Variants in CDH3 observed in about 807,000 individuals in gnomAD.
CDH3 encodes cadherin 3, also known as cadherin-3.
CDH3 carries 54 observed loss-of-function variants against 82.0 expected under a neutral mutation model. The observed-to-expected ratio is 0.66, with a 90% CI of 0.53 to 0.83. The LOEUF (loss-of-function observed/expected upper bound fraction) is 0.83. CDH3 is among the 40% of genes least tolerant of loss of function. CDH3 has a pLI of 0.00. For synonymous variants in CDH3, 446 were observed against 437.9 expected, an observed-to-expected ratio of 1.02 and a Z score of -0.23; for missense variants, 1,054 against 1,084.6, an observed-to-expected ratio of 0.97 and a Z score of 0.40.
Position 68,698,324 on chromosome 16 carries a change from A to G in CDH3, c.2414A>G (p.Asp805Gly). 6.2e-7 allele frequency: 1 copy of G among 1,614,190 alleles called. No homozygotes were observed. Among genetic ancestry groups the G allele is most frequent in the South Asian group, 1.1e-5 (1 of 91,080 alleles). ...TCCTCCGCCTCCGACCAAGACCAAGATTACGATTATCTGAACGAGTGGGGC... is the reference window on the plus strand; with the variant it reads ...TCCTCCGCCTCCGACCAAGACCAAGGTTACGATTATCTGAACGAGTGGGGC... ...LTSSASDQDQ[D>G]YDYLNEWGSR... The change falls in exon 16 of 16, where the codon GAT becomes GGT. Residue 805 changes from aspartate (D) to glycine (G), a missense_variant. Asp to Gly is a moderately conservative substitution (Grantham distance 94). Transcript: ENST00000264012.
rs1476291197 is a variant in CDH3 at position 68,698,687 on chromosome 16, C to A, written c.*287C>A. On this transcript the variant is annotated 3_prime_UTR_variant, in exon 16 of 16. Coordinates refer to ENST00000264012, the MANE Select transcript of CDH3 (RefSeq NM_001793.6). ...CTTACCTGCCGTAAAATGCTCAACC[C>A]TGTGTCCTGGGCCTGGGCCTGCTGT... 2 of 486,370 alleles carry A rather than the reference C, an allele frequency of 4.1e-6. No homozygotes were observed. Among genetic ancestry groups the A allele is most frequent in the Non-Finnish European group, 3.7e-6 (1 of 268,674 alleles). The allele number at this position is 486,370 out of a possible 1,614,324, so 30.1% of individuals were successfully genotyped here. A position where few individuals can be genotyped will look rare whatever the true frequency, so the allele number is the denominator to read the frequency against.
At chr16:68,662,411 C>T (rs1008676206) in intron 2 of CDH3, among the ~76,000 whole-genome samples, 5 of 152,098 alleles carry the variant, frequency 3.3e-5, no homozygotes, top group Admixed American at 6.5e-5. Flanking sequence ...TGCATGATGA[C>T]TGCATTTGTA....
intron 11 of CDH3, 41 bp from the exon 12 acceptor site, chr16:68,687,471 G>A (rs1461540157): frequency 6.5e-7 from 1 of 1,544,508 alleles, no homozygotes; most frequent in Non-Finnish European, 9.0e-7. Flanking sequence ...GGCTGACTGG[G>A]TGGGTCACAG....
At chr16:68,676,286 C>A in intron 2 of CDH3, 99 bp from the exon 3 acceptor site, 1 of 830,420 alleles carries the variant, frequency 1.2e-6, no homozygotes, top group South Asian at 1.4e-5. Flanking sequence ...ACTTAGCAGT[C>A]CTGGATCCAG....
At chr16:68,720,647 G>A (rs1325843982) in intron 1 of CDH3, among the ~76,000 whole-genome samples, 2 of 146,512 alleles carry the variant, frequency 1.4e-5, no homozygotes, top group African/African-American at 5.1e-5. Flanking sequence ...ATGGAGTCTC[G>A]CTCTGTTGCC....
At chr16:68,701,867 T>C (rs2152108844), downstream of CDH3, among the ~76,000 whole-genome samples, 1 of 150,164 alleles carries the variant, frequency 6.7e-6, no homozygotes, top group South Asian at 2.2e-4. Flanking sequence ...CTACTAAAAA[T>C]ACAAAAATTA....
At position 68,685,351 on chromosome 16, in the gene CDH3, G is replaced by A. The variant is rs1444646760; in HGVS notation, c.1570+1G>A. ...GTCATGGTCTTGGCCATGGACAATG[G>A]TGAGAGCATCCTCCCAGCCCTCCCA... On this transcript the variant is annotated splice_donor_variant, in intron 11 of 15. Coordinates refer to ENST00000264012, the MANE Select transcript of CDH3 (RefSeq NM_001793.6). LOFTEE classifies it high-confidence loss of function. 6.2e-7 allele frequency: 1 copy of A among 1,613,948 alleles called. No individual in the cohort carries two copies. The highest frequency in any genetic ancestry group is 1.1e-5 in the South Asian group (1 of 91,078).
exon 3 of CDH3, among the ~76,000 whole-genome samples, chr16:68,727,420 TC>T (rs1962230760): frequency 6.6e-6 from 1 of 152,196 alleles, no homozygotes; most frequent in South Asian, 2.1e-4. Context: ...TTTGTTCTGT[TC>T]TTGGGAGAAC....
rs551882422 is a variant in CDH3 at position 68,685,909 on chromosome 16, T to A, written c.1570+559T>A. Among the ~76,000 whole-genome samples the A allele has an allele frequency of 2.2e-4, 34 of 152,336 alleles. No homozygotes were observed. The East Asian group carries it at 5.8e-3, about 26-fold the overall frequency. ...AGCCAGGTGTGGTGACTCAGGCCTG[T>A]AATGCTAGCACTTTGAGAGGCCTAG... is the stretch of plus-strand genomic sequence containing the variant. On this transcript the variant is annotated intron_variant, in intron 11 of 15. Transcript: ENST00000264012.
Position 68,687,754 on chromosome 16 carries a change from G to A in CDH3, c.1795+18G>A. On this transcript the variant is annotated intron_variant, in intron 12 of 15. Coordinates refer to ENST00000264012, the MANE Select transcript of CDH3 (RefSeq NM_001793.6). ...CGAGGAAGGTACCTGAGTGAGTGGT[G>A]GTAGCGGGTGGGGTGCCAGCCCCAC... 1 of 1,590,066 alleles carries A rather than the reference G, an allele frequency of 6.3e-7. No homozygotes were observed.
Position 68,676,262 on chromosome 16 carries a change from T to C in CDH3, c.161-123T>C, listed in dbSNP as rs3118229. On this transcript the variant is annotated intron_variant, in intron 2 of 15. Transcript: ENST00000264012. Reference sequence around the variant, plus strand: ...CTGGTCAGAGAAAGTAAGCCAAGTCTCCCTTCTGCAGCCACTTAGCAGTCC... The same window carrying C: ...CTGGTCAGAGAAAGTAAGCCAAGTCCCCCTTCTGCAGCCACTTAGCAGTCC... 633,973 of 732,430 alleles carry C rather than the reference T, an allele frequency of 0.87. 275,870 individuals are homozygous for C. The highest frequency in any genetic ancestry group is 0.97 in the African/African-American group (56,028 of 57,886). The allele number at this position is 732,430 out of a possible 1,614,324, so 45.4% of individuals were successfully genotyped here.
intron 13 of CDH3, among the ~76,000 whole-genome samples, chr16:68,694,855 A>G (rs1961671283): frequency 6.6e-6 from 1 of 152,136 alleles, no homozygotes; most frequent in Non-Finnish European, 1.5e-5. Context: ...TGACAGCATT[A>G]TGGGTGAGGA....
intron 2 of CDH3, among the ~76,000 whole-genome samples, chr16:68,658,874 G>C (rs940706958): frequency 6.6e-6 from 1 of 152,114 alleles, no homozygotes; most frequent in African/African-American, 2.4e-5. Context: ...TGATCAAATT[G>C]CCTGGGGAGC....
At chr16:68,730,915 G>A (rs1278189363), downstream of CDH3, among the ~76,000 whole-genome samples, 1 of 148,756 alleles carries the variant, frequency 6.7e-6, no homozygotes, top group Middle Eastern at 3.3e-3. Flanking sequence ...AGCTACTGAG[G>A]AGGCTGAGGC....
chr16:68,698,149 C>T (rs752186159), intron 15 of CDH3, 42 bp from the exon 16 acceptor site: 1 of 1,585,222 alleles, frequency 6.3e-7, no homozygotes, highest in Admixed American at 1.7e-5. Context: ...TGGCAAGAGG[C>T]AGGACCCGCC....
At chr16:68,701,310 T>G (rs1034525800), downstream of CDH3, among the ~76,000 whole-genome samples, 24 of 152,052 alleles carry the variant, frequency 1.6e-4, no homozygotes, top group Non-Finnish European at 2.9e-5. Context: ...ACTCTCTCAC[T>G]CTGGGCCTGC....
intron 6 of CDH3, 86 bp from the exon 7 acceptor site, chr16:68,679,694 CAAAAAAAAAAAAAAAAAAA>C: frequency 2.8e-6 from 1 of 357,704 alleles, no homozygotes. Flanking sequence ...GACTTCATCT[CAAAAAAAAAAAAAAAAAAA>C]AAAAAGAAAA....
intron 2 of CDH3, among the ~76,000 whole-genome samples, chr16:68,663,793 T>A (rs902432851): frequency 1.3e-5 from 2 of 152,120 alleles, no homozygotes; most frequent in African/African-American, 2.4e-5. Context: ...GTATTTTTTT[T>A]AATCAGATAT....
chr16:68,716,943 G>C lies in CDH3; in HGVS notation c.100-5482G>C, dbSNP rs180799105. 2.6e-3 allele frequency among the ~76,000 whole-genome samples: 391 copies of C among 150,798 alleles called. 13 individuals carry two copies. The East Asian group carries it at 0.067, about 26-fold the overall frequency. ...AGACAGGGTCTCACTATGTTGTCCAGGCTACTCTCAAATTCCTGAGCTCAA... is the reference window on the plus strand; with the variant it reads ...AGACAGGGTCTCACTATGTTGTCCACGCTACTCTCAAATTCCTGAGCTCAA... On this transcript the variant is annotated intron_variant, in intron 1 of 2. Coordinates refer to the CDH3 transcript ENST00000569080.
Sources: gnomAD v4.1 joint callset for allele counts (sites outside exome capture counted in the v4.1 genomes callset) on GRCh38, gnomAD v4.1.1 for gene constraint, MANE v1.5 for transcripts, NCBI Gene and HGNC (gene_info 2026-07-23, HGNC 2026-07-21) for gene names.